The following RGP1 variants were observed in gnomAD, a reference collection of about 807,000 sequenced individuals.
RGP1 encodes the protein RGP1 partner of RAB6A GEF complex.
A neutral mutation model predicts 44.5 loss-of-function variants in RGP1; 28 were observed. The ratio of observed to expected loss-of-function variants is 0.63; its 90% CI spans 0.47 to 0.86. The LOEUF (loss-of-function observed/expected upper bound fraction) is 0.86, where lower values mean the gene tolerates loss of function less well. Ranked by LOEUF, RGP1 falls within the 40% of genes least tolerant of loss-of-function variation. The probability of loss-of-function intolerance (pLI) is 0.00; values close to 1 mark genes in which losing one functional copy is unlikely to be tolerated. For synonymous variants in RGP1, 212 were observed against 196.7 expected, an observed-to-expected ratio of 1.08 and a Z score of -0.65; for missense variants, 417 against 490.7, an observed-to-expected ratio of 0.85 and a Z score of 1.42.
At position 35,749,941 on chromosome 9, in the gene RGP1, GA is replaced by G; in HGVS notation, c.116+71del. 8.1e-7 allele frequency: 1 copy of G among 1,230,534 alleles called. No homozygotes were observed. Among genetic ancestry groups the G allele is most frequent in the Non-Finnish European group, 1.2e-6 (1 of 848,086 alleles). 76.2% of individuals were successfully genotyped at this position (1,230,534 alleles called of 1,614,324 possible). On this transcript the variant is annotated intron_variant, in intron 2 of 8. Transcript: ENST00000378078. This position sits in a 1 kb window ranked among gnomAD's most constrained non-coding sequence, Gnocchi z 4.4. ...CCAGATTATCTCTGGGGCTGAGGCA[GA>G]GCTCAGGTTGTCCTGTAGCGACACC...
At position 35,754,126 on chromosome 9, in the gene RGP1, C is replaced by T. The variant is rs1279074948; in HGVS notation, c.*1252C>T. ...TGTCCAGCCCAGAGCATCCTTAGGG[C>T]CATTGCTGCTGCACAGCCCTCTCAG... On this transcript the variant is annotated 3_prime_UTR_variant, in exon 9 of 9. Transcript: ENST00000378078. 10 of 1,612,122 alleles carry T rather than the reference C, an allele frequency of 6.2e-6. No homozygotes were observed. In the Admixed American group the frequency reaches 1.7e-4, roughly 27 times the overall value.
At chr9:35,783,600 A>G in the RGP1 span, among the ~76,000 whole-genome samples, 1 of 151,986 alleles carries the variant, frequency 6.6e-6, no homozygotes, top group Non-Finnish European at 1.5e-5. Context: ...AGGCTCATCT[A>G]TGCTGCTGCA....
At chr9:35,768,988 T>C in the RGP1 span, among the ~76,000 whole-genome samples, 1 of 152,218 alleles carries the variant, frequency 6.6e-6, no homozygotes, top group Non-Finnish European at 1.5e-5. Context: ...TGCCCTCAGC[T>C]CACCCACCAC....
Position 35,749,518 on chromosome 9 carries a change from C to T in RGP1, c.-20+110C>T, listed in dbSNP as rs1243878126. 7.4e-6 allele frequency: 5 copies of T among 677,582 alleles called. No individual in the cohort carries two copies. The highest frequency in any genetic ancestry group is 3.5e-5 in the African/African-American group (2 of 56,766). The allele number at this position is 677,582 out of a possible 1,614,324, so 42.0% of individuals were successfully genotyped here. On this transcript the variant is annotated intron_variant, in intron 1 of 8. Coordinates refer to ENST00000378078, the MANE Select transcript of RGP1 (RefSeq NM_001080496.3). The surrounding 1 kb of genome is among the most constrained non-coding windows in gnomAD (Gnocchi z 4.4). ...TGCCCAGGGAGAAGAACCCGTCGCA[C>T]AGGGGCTGGGGTCTAGGGCCCAGAG...
the RGP1 span, among the ~76,000 whole-genome samples, chr9:35,781,737 A>AAT: frequency 6.6e-6 from 1 of 151,818 alleles, no homozygotes; most frequent in South Asian, 2.1e-4. Context: ...GTTATATATA[A>AAT]ATATATATAT....
At position 35,757,179 on chromosome 9, in the gene RGP1, C is replaced by G. The variant is rs932169436; in HGVS notation, c.*4305C>G. 2.6e-5 allele frequency: 4 copies of G among 152,322 alleles called. No individual in the cohort carries two copies. The highest frequency in any genetic ancestry group is 9.6e-5 in the African/African-American group (4 of 41,456). The allele number at this position is 152,322 out of a possible 1,614,324, so 9.4% of individuals were successfully genotyped here. On this transcript the variant is annotated 3_prime_UTR_variant, in exon 9 of 9. Transcript: ENST00000378078. ...AGCATTCCGGCCCCCCCACCCCAAC[C>G]CCGGCCGCTGGCCCTCTGGTGAGTC...
At chr9:35,777,843 C>T in the RGP1 span, among the ~76,000 whole-genome samples, 1 of 152,152 alleles carries the variant, frequency 6.6e-6, no homozygotes, top group Admixed American at 6.6e-5. Context: ...AAAGAAATCC[C>T]ATCTTTCCCT....
In RGP1 at chr9:35,753,365, TC is replaced by T. The variant is rs776607932; in HGVS notation, c.*497del. ...CCACATGTTCCCTCTCTCACAGTTTTCCCCCCACAGAGCCCCTTTCAGTGGC... is the reference window on the plus strand; with the variant it reads ...CCACATGTTCCCTCTCTCACAGTTTTCCCCCACAGAGCCCCTTTCAGTGGC... On this transcript the variant is annotated 3_prime_UTR_variant, in exon 9 of 9. Transcript: ENST00000378078. This position sits in a 1 kb window ranked among gnomAD's most constrained non-coding sequence, Gnocchi z 4.2. 2.8e-5 allele frequency: 41 copies of T among 1,469,580 alleles called. No homozygotes were observed. Among genetic ancestry groups the T allele is most frequent in the Non-Finnish European group, 3.8e-5 (41 of 1,085,768 alleles). 91.0% of individuals were successfully genotyped at this position (1,469,580 alleles called of 1,614,324 possible).
chr9:35,749,484 C>T lies in RGP1; in HGVS notation c.-20+76C>T, dbSNP rs1424750981. Reference sequence around the variant, plus strand: ...GGGAGCGGAGGCCAGTTTGGGAACTCCGCGGGGGTGCCCAGGGAGAAGAAC... The same window carrying T: ...GGGAGCGGAGGCCAGTTTGGGAACTTCGCGGGGGTGCCCAGGGAGAAGAAC... On this transcript the variant is annotated intron_variant, in intron 1 of 8. Transcript: ENST00000378078. The surrounding 1 kb of genome is among the most constrained non-coding windows in gnomAD (Gnocchi z 4.4). The T allele has an allele frequency of 6.2e-6, 4 of 643,886 alleles. No homozygotes were observed. Among genetic ancestry groups the T allele is most frequent in the Non-Finnish European group, 1.2e-5 (4 of 336,148 alleles). 39.9% of individuals were successfully genotyped at this position (643,886 alleles called of 1,614,324 possible).
chr9:35,751,170 T>TA, intron 5 of RGP1, 96 bp from the exon 6 acceptor site: 1 of 1,514,800 alleles, frequency 6.6e-7, no homozygotes, highest in South Asian at 1.2e-5. Flanking sequence ...TGGCACCCCT[T>TA]ACCTTTAGCC....
At chr9:35,763,796 C>G in the RGP1 span, among the ~76,000 whole-genome samples, 5 of 142,234 alleles carry the variant, frequency 3.5e-5, no homozygotes, top group Non-Finnish European at 7.6e-5. Flanking sequence ...GCAGGAGAAT[C>G]GCTTGAACCT....
chr9:35,770,471 A>T, the RGP1 span, among the ~76,000 whole-genome samples: 1 of 141,912 alleles, frequency 7.0e-6, no homozygotes, highest in Admixed American at 7.2e-5. Flanking sequence ...TTATTGGAGC[A>T]ATGGGCATAG....
chr9:35,769,939 T>C, the RGP1 span, among the ~76,000 whole-genome samples: 1 of 152,228 alleles, frequency 6.6e-6, no homozygotes, highest in African/African-American at 2.4e-5. Flanking sequence ...GCATGTCTGG[T>C]TCATTTCAGC....
downstream of RGP1, among the ~76,000 whole-genome samples, chr9:35,762,151 G>T (rs928140789): frequency 2.6e-5 from 4 of 152,158 alleles, no homozygotes; most frequent in Non-Finnish European, 4.4e-5. Context: ...ACAGGAGCAG[G>T]CTGCCTCCAT....
intron 8 of RGP1, among the ~76,000 whole-genome samples, chr9:35,752,370 C>T (rs1265652715): frequency 2.0e-5 from 3 of 152,220 alleles, no homozygotes; most frequent in Non-Finnish European, 4.4e-5. Context: ...CACCTACCTA[C>T]TAGGACCCTG....
At chr9:35,758,620 T>C (rs2132041347), downstream of RGP1, 1 of 152,340 alleles carries the variant, frequency 6.6e-6, no homozygotes, top group East Asian at 1.9e-4. Flanking sequence ...TTGGGCCCTG[T>C]TGCACTCTCC....
downstream of RGP1, among the ~76,000 whole-genome samples, chr9:35,761,600 G>A (rs770154980): frequency 6.6e-6 from 1 of 152,064 alleles, no homozygotes; most frequent in Non-Finnish European, 1.5e-5. Flanking sequence ...CTTGAGCCTG[G>A]GAGGTCGATG....
At chr9:35,783,867 T>C in the RGP1 span, among the ~76,000 whole-genome samples, 1 of 152,234 alleles carries the variant, frequency 6.6e-6, no homozygotes, top group Non-Finnish European at 1.5e-5. Context: ...GAAACCTCTA[T>C]ACTGTTTTTC....
chr9:35,784,535 C>T, the RGP1 span, among the ~76,000 whole-genome samples: 13 of 152,118 alleles, frequency 8.5e-5, no homozygotes, highest in African/African-American at 2.4e-4. Flanking sequence ...CTGCAACCTC[C>T]GCCTCTTGGG....
Sources: gnomAD v4.1 joint callset for allele counts (sites outside exome capture counted in the v4.1 genomes callset) on GRCh38, gnomAD v4.1.1 for gene constraint, Gnocchi (gnomAD v3.1) non-coding constraint, MANE v1.5 for transcripts, NCBI Gene and HGNC (gene_info 2026-07-23, HGNC 2026-07-21) for gene names.